KCNE1: variants seen among roughly 807,000 people sequenced by gnomAD.
KCNE1 encodes the protein potassium voltage-gated channel subfamily E regulatory subunit 1.
KCNE1 carries 1 observed loss-of-function variant against 2.9 expected under a neutral mutation model. The ratio of observed to expected loss-of-function variants is 0.34; its 90% confidence interval spans 0.12 to 1.62. KCNE1 has a LOEUF of 1.62. KCNE1 is among the 40% of genes most tolerant of loss of function. KCNE1 has a pLI of 0.36. For synonymous variants in KCNE1, 23 were observed against 65.4 expected, an observed-to-expected ratio of 0.35 and a Z score of 3.13; for missense variants, 45 against 150.5, an observed-to-expected ratio of 0.30 and a Z score of 3.67.
At chr21:34,501,706 CA>C (rs970271856) in intron 2 of KCNE1, among the ~76,000 whole-genome samples, 2 of 152,158 alleles carry the variant, frequency 1.3e-5, no homozygotes, top group Non-Finnish European at 2.9e-5. Flanking sequence ...ATAGACAAAA[CA>C]AAGCTCTAAG....
intron 2 of KCNE1, among the ~76,000 whole-genome samples, chr21:34,503,062 C>T (rs531996340): frequency 6.6e-6 from 1 of 152,138 alleles, no homozygotes; most frequent in Non-Finnish European, 1.5e-5. Flanking sequence ...TGCTAACTAC[C>T]CAAAGATGTC....
At chr21:34,496,794 T>A (rs530690464) in intron 2 of KCNE1, among the ~76,000 whole-genome samples, 1 of 152,362 alleles carries the variant, frequency 6.6e-6, no homozygotes, top group African/African-American at 2.4e-5. Context: ...TTGCCATCTA[T>A]CTAATTTCTT....
At chr21:34,502,530 C>A (rs779114826) in intron 2 of KCNE1, among the ~76,000 whole-genome samples, 1 of 152,178 alleles carries the variant, frequency 6.6e-6, no homozygotes, top group Non-Finnish European at 1.5e-5. Context: ...TGTGGACTTA[C>A]GTTAGAGCCC....
intron 2 of KCNE1, among the ~76,000 whole-genome samples, chr21:34,499,322 G>C (rs1258863074): frequency 2.6e-5 from 4 of 152,198 alleles, no homozygotes; most frequent in African/African-American, 9.7e-5. Context: ...CTTCCCTGCT[G>C]AGAAAGCAAG....
intron 1 of KCNE1, among the ~76,000 whole-genome samples, 179 bp from the exon 2 acceptor site, chr21:34,511,494 A>T (rs1170637718): frequency 8.4e-6 from 1 of 118,570 alleles, no homozygotes; most frequent in East Asian, 2.8e-4. Flanking sequence ...ACCTTGTGAT[A>T]CCTTCCACCA....
At chr21:34,497,768 G>T (rs1014192539) in intron 2 of KCNE1, among the ~76,000 whole-genome samples, 4 of 152,154 alleles carry the variant, frequency 2.6e-5, no homozygotes, top group African/African-American at 4.8e-5. Flanking sequence ...CCTCAAATAA[G>T]TTCCACACTT....
At chr21:34,499,798 T>C (rs984678486) in intron 2 of KCNE1, among the ~76,000 whole-genome samples, 2 of 152,204 alleles carry the variant, frequency 1.3e-5, no homozygotes, top group African/African-American at 2.4e-5. Flanking sequence ...TTTGCAGCGG[T>C]GTGCCACTTC....
intron 2 of KCNE1, among the ~76,000 whole-genome samples, chr21:34,503,251 A>G (rs925883018): frequency 1.3e-5 from 2 of 152,190 alleles, no homozygotes; most frequent in Non-Finnish European, 2.9e-5. Context: ...TCAGGGAAAC[A>G]CTTTGCTTAT....
rs1297984287 is a variant in KCNE1 at position 34,512,113 on chromosome 21, G to T, written c.-463C>A. 4.6e-5 allele frequency: 7 copies of T among 152,358 alleles called. No homozygotes were observed. The highest frequency in any genetic ancestry group is 1.3e-4 in the Admixed American group (2 of 15,288). The allele number at this position is 152,358 out of a possible 1,614,324, so 9.4% of individuals were successfully genotyped here. On this transcript the variant is annotated 5_prime_UTR_variant, in exon 1 of 4. It adds an upstream start codon to the 5' untranslated region. Coordinates refer to ENST00000399286, the MANE Select transcript of KCNE1 (RefSeq NM_000219.6). ...GAGTAGGAAGGTGCCCAGCGGCTCAGCCTTTAAGGAGGTCTATTGGTCACC... is the reference window on the plus strand; with the variant it reads ...GAGTAGGAAGGTGCCCAGCGGCTCATCCTTTAAGGAGGTCTATTGGTCACC...
At chr21:34,496,275 G>A (rs55700417) in intron 2 of KCNE1, among the ~76,000 whole-genome samples, 2,245 of 152,048 alleles carry the variant, frequency 0.015, 62 homozygotes, top group African/African-American at 0.051. Flanking sequence ...GGGTTTCACC[G>A]TGTTAGCCAG....
chr21:34,504,271 T>C lies in KCNE1; in HGVS notation c.-162+6830A>G, dbSNP rs1055879408. On this transcript the variant is annotated intron_variant, in intron 2 of 3. Transcript: ENST00000399286. Reference sequence around the variant, plus strand: ...TGAGAAGGTAGGATGTTGCACAGGATGAGACCCTTCCTCTCAAACCAAACC... The same window carrying C: ...TGAGAAGGTAGGATGTTGCACAGGACGAGACCCTTCCTCTCAAACCAAACC... Among the ~76,000 whole-genome samples, 11 of 152,286 alleles carry C rather than the reference T, an allele frequency of 7.2e-5. No individual in the cohort carries two copies. The South Asian group carries it at 2.3e-3, about 32-fold the overall frequency.
At chr21:34,497,065 G>A (rs1250234833) in intron 2 of KCNE1, among the ~76,000 whole-genome samples, 1 of 152,072 alleles carries the variant, frequency 6.6e-6, no homozygotes, top group African/African-American at 2.4e-5. Context: ...TATGTGTCTG[G>A]TGAGTCTCTT....
intron 2 of KCNE1, among the ~76,000 whole-genome samples, chr21:34,508,772 A>G (rs1242757849): frequency 6.6e-6 from 1 of 152,256 alleles, no homozygotes; most frequent in Non-Finnish European, 1.5e-5. Context: ...CAATACAGCT[A>G]GAGTCCCTTC....
In KCNE1 at chr21:34,506,129, A is replaced by G. The variant is rs41314837; in HGVS notation, c.-162+4972T>C. Among the ~76,000 whole-genome samples, 224 of 152,312 alleles carry G rather than the reference A, an allele frequency of 1.5e-3. 2 individuals carry two copies. Among genetic ancestry groups the G allele is most frequent in the African/African-American group, 5.2e-3 (215 of 41,576 alleles). Reference sequence around the variant, plus strand: ...CCTTGGGAATGAAGTGCTATTGTGCATTCAGAATTATGTGGCTATAGCCAT... The same window carrying G: ...CCTTGGGAATGAAGTGCTATTGTGCGTTCAGAATTATGTGGCTATAGCCAT... On this transcript the variant is annotated intron_variant, in intron 2 of 3. Coordinates refer to ENST00000399286, the MANE Select transcript of KCNE1 (RefSeq NM_000219.6).
rs541759662 is a variant in KCNE1 at position 34,508,698 on chromosome 21, GAC to G, written c.-162+2401_-162+2402del. 1.1e-4 allele frequency among the ~76,000 whole-genome samples: 16 copies of G among 152,192 alleles called. No individual in the cohort carries two copies. The South Asian group carries it at 3.3e-3, about 32-fold the overall frequency. ...TAATAGAAAGCATGCAAAAAGAGAC[GAC>G]ACAGTCATTGGACAGTATTACAAAA... On this transcript the variant is annotated intron_variant, in intron 2 of 3. Transcript: ENST00000399286.
chr21:34,511,546 C>T (rs76099607), intron 1 of KCNE1, among the ~76,000 whole-genome samples: 1,752 of 150,452 alleles, frequency 0.012, 16 homozygotes, highest in Non-Finnish European at 0.019. Flanking sequence ...GCCCCTCCAT[C>T]CTGGGTTCCC....
chr21:34,508,588 C>T (rs111884705), intron 2 of KCNE1, among the ~76,000 whole-genome samples: 8,399 of 152,246 alleles, frequency 0.055, 233 homozygotes, highest in Non-Finnish European at 0.061. Flanking sequence ...GGTGATCCAC[C>T]CTCCTCGGCC....
At chr21:34,506,971 G>A (rs1461949887) in intron 2 of KCNE1, among the ~76,000 whole-genome samples, 2 of 152,186 alleles carry the variant, frequency 1.3e-5, no homozygotes, top group Non-Finnish European at 2.9e-5. Flanking sequence ...GGTAGGGGAC[G>A]CATGGCACAC....
intron 2 of KCNE1, among the ~76,000 whole-genome samples, chr21:34,495,520 TGTTGGGAA>T: frequency 1.2e-5 from 1 of 86,560 alleles, no homozygotes; most frequent in Non-Finnish European, 2.3e-5. Flanking sequence ...CTTTTTTTTT[TGTTGGGAA>T]TTTTTGTATT....
Sources: allele counts gnomAD v4.1 joint callset (sites outside exome capture counted in the v4.1 genomes callset), GRCh38; gene constraint gnomAD v4.1.1; transcripts MANE v1.5; gene names NCBI Gene and HGNC (gene_info 2026-07-23, HGNC 2026-07-21).